PRTG: variants seen among roughly 807,000 people sequenced by gnomAD.
The protein encoded by PRTG is immunoglobulin superfamily, DCC subclass, member 5.
PRTG carries 67 observed loss-of-function variants against 122.5 expected under a neutral mutation model. That is an observed-to-expected ratio of 0.55 (90% confidence interval 0.45 to 0.67). The LOEUF is 0.67. Ranked by LOEUF, PRTG falls within the 30% of genes least tolerant of loss-of-function variation. The pLI, the probability that PRTG is intolerant of heterozygous loss-of-function variation, is 0.00. For missense variants in PRTG, 1,435 were observed against 1,415.4 expected, an observed-to-expected ratio of 1.01 and a Z score of -0.22; for synonymous variants, 554 against 501.1, an observed-to-expected ratio of 1.11 and a Z score of -1.41.
intron 18 of PRTG, among the ~76,000 whole-genome samples, chr15:55,620,981 A>G (rs1018088568): frequency 6.6e-6 from 1 of 152,192 alleles, no homozygotes; most frequent in Non-Finnish European, 1.5e-5. Context: ...TGTACTCATT[A>G]CCCAAATAGT....
At chr15:55,628,367 T>A (rs903775645) in intron 16 of PRTG, among the ~76,000 whole-genome samples, 2 of 138,384 alleles carry the variant, frequency 1.4e-5, no homozygotes, top group Non-Finnish European at 3.1e-5. Flanking sequence ...TTCCAATTGC[T>A]TTTCTGGAGA....
At chr15:55,632,295 A>C (rs187830943) in intron 15 of PRTG, among the ~76,000 whole-genome samples, 275 of 151,572 alleles carry the variant, frequency 1.8e-3, no homozygotes, top group African/African-American at 6.3e-3. Flanking sequence ...TTTTTTTTCT[A>C]CTTATGTTCC....
Position 55,672,447 on chromosome 15 carries a change from A to C in PRTG, c.2039T>G (p.Leu680Ter). Residue 680 changes from leucine to a stop codon, truncating the protein, a stop_gained and splice_region_variant, in exon 11 of 20, where the codon TTA (leucine) becomes TGA (stop). Transcript: ENST00000389286. LOFTEE classifies it high-confidence loss of function. ...TKDLLYTLSGLDPRRKYHVRL... is the reference protein window; with the variant it reads ...TKDLLYTLSG ...AAATACAGTACAAACTCACTCACCT[A>C]AGCCACTGAGAGTATAGAGTAGGTC... 1.2e-6 allele frequency: 2 copies of C among 1,611,764 alleles called. No individual in the cohort carries two copies. Among genetic ancestry groups the C allele is most frequent in the Middle Eastern group, 3.3e-4 (2 of 6,038 alleles).
chr15:55,690,941 A>G (rs2059597072), intron 2 of PRTG, among the ~76,000 whole-genome samples: 1 of 152,194 alleles, frequency 6.6e-6, no homozygotes. Flanking sequence ...TGGGATCTGA[A>G]TCCAGGTAGT....
chr15:55,638,339 G>A (rs1451276835), intron 14 of PRTG, among the ~76,000 whole-genome samples: 2 of 151,964 alleles, frequency 1.3e-5, no homozygotes, highest in Admixed American at 6.6e-5. Context: ...AAGCCTACGT[G>A]CTTGCACAAT....
At chr15:55,709,145 C>CAAAAAAAA (rs3985769) in intron 2 of PRTG, among the ~76,000 whole-genome samples, 7 of 51,842 alleles carry the variant, frequency 1.4e-4, no homozygotes, top group African/African-American at 5.6e-4. Context: ...GACTCTGTCT[C>CAAAAAAAA]AAAAAAAAAA....
intron 2 of PRTG, among the ~76,000 whole-genome samples, chr15:55,710,379 A>T (rs1017235796): frequency 6.6e-6 from 1 of 152,226 alleles, no homozygotes; most frequent in Non-Finnish European, 1.5e-5. Context: ...TTTATTGGCT[A>T]CTATGTGAAT....
At chr15:55,669,772 T>C (rs893438495) in intron 11 of PRTG, among the ~76,000 whole-genome samples, 1 of 152,248 alleles carries the variant, frequency 6.6e-6, no homozygotes, top group African/African-American at 2.4e-5. Flanking sequence ...GTGCGGAACC[T>C]GCTGTCTAAC....
At chr15:55,701,075 A>C (rs1242705503) in intron 2 of PRTG, among the ~76,000 whole-genome samples, 1 of 152,228 alleles carries the variant, frequency 6.6e-6, no homozygotes, top group African/African-American at 2.4e-5. Context: ...ATGAGATGTC[A>C]CTACACACCT....
In PRTG at chr15:55,620,045, G is replaced by C; in HGVS notation, c.3420C>G (p.Ser1140=). The stretch of plus-strand genomic sequence containing the variant: ...TGGGGGGTGTGGTACTTATAACTGA[G>C]GACAGATGTATCTCATCGTTGGACT... The part of the protein sequence containing the change: ...SHESNDEIHL[S]SVISTTPPNL The change falls in exon 20 of 20, where the codon TCC becomes TCG. Residue 1140 remains serine (S), a synonymous_variant. Coordinates refer to ENST00000389286, the MANE Select transcript of PRTG (RefSeq NM_173814.6). The C allele has an allele frequency of 1.9e-6, 3 of 1,614,124 alleles. No individual in the cohort carries two copies. In the South Asian group the frequency reaches 3.3e-5, roughly 18 times the overall value.
intron 2 of PRTG, among the ~76,000 whole-genome samples, chr15:55,722,756 A>T (rs748379905): frequency 3.1e-5 from 4 of 128,848 alleles, no homozygotes; most frequent in Non-Finnish European, 6.5e-5. Flanking sequence ...CACACAGAAC[A>T]TACTTAAAAC....
At chr15:55,703,413 C>T (rs746454776) in intron 2 of PRTG, among the ~76,000 whole-genome samples, 8 of 152,234 alleles carry the variant, frequency 5.3e-5, no homozygotes, top group South Asian at 4.1e-4. Context: ...CCCACCCTAA[C>T]GAGATCAGAA....
intron 4 of PRTG, among the ~76,000 whole-genome samples, chr15:55,681,734 A>C (rs928608302): frequency 9.2e-5 from 14 of 152,204 alleles, no homozygotes; most frequent in Non-Finnish European, 1.3e-4. Context: ...AACGACAAGC[A>C]AAAGAATACG....
chr15:55,614,258 C>T lies in PRTG; in HGVS notation c.*5754G>A, dbSNP rs2059132812. On this transcript the variant is annotated 3_prime_UTR_variant, in exon 20 of 20. Coordinates refer to ENST00000389286, the MANE Select transcript of PRTG (RefSeq NM_173814.6). ...GCCGATTGGAACCAAAAAAGAATGA[C>T]AAGAAAGATCAAATTTCCTAGGAAA... 1 of 151,902 alleles carries T rather than the reference C, an allele frequency of 6.6e-6. No individual in the cohort carries two copies. The highest frequency in any genetic ancestry group is 2.4e-5 in the African/African-American group (1 of 41,370). The allele number at this position is 151,902 out of a possible 1,614,324, so 9.4% of individuals were successfully genotyped here.
intron 2 of PRTG, among the ~76,000 whole-genome samples, chr15:55,737,112 G>A (rs1567121167): frequency 2.0e-5 from 3 of 152,102 alleles, no homozygotes; most frequent in African/African-American, 7.2e-5. Flanking sequence ...CAAAGACTTA[G>A]TACCCATGAA....
At chr15:55,634,911 AC>A (rs2059248205) in intron 15 of PRTG, among the ~76,000 whole-genome samples, 1 of 152,020 alleles carries the variant, frequency 6.6e-6, no homozygotes, top group Admixed American at 6.6e-5. Flanking sequence ...ATCGATTCAC[AC>A]CCCTGTAGCC....
intron 2 of PRTG, among the ~76,000 whole-genome samples, chr15:55,709,457 T>G (rs185734173): frequency 1.3e-4 from 20 of 150,916 alleles, no homozygotes; most frequent in African/African-American, 4.8e-4. Flanking sequence ...TTGGAAACAG[T>G]TTGGCAGTTT....
rs535509705 is a variant in PRTG at position 55,616,721 on chromosome 15, C to T, written c.*3291G>A. On this transcript the variant is annotated 3_prime_UTR_variant, in exon 20 of 20. Coordinates refer to ENST00000389286, the MANE Select transcript of PRTG (RefSeq NM_173814.6). ...AACCTTAAATATCTTTGGTTTTTTT[C>T]TTTTTAATTTGCTGATAAAAAGTAC... 1 of 152,080 alleles carries T rather than the reference C, an allele frequency of 6.6e-6. No individual in the cohort carries two copies. The highest frequency in any genetic ancestry group is 2.4e-5 in the African/African-American group (1 of 41,526). The allele number at this position is 152,080 out of a possible 1,614,324, so 9.4% of individuals were successfully genotyped here. A position where few individuals can be genotyped will look rare whatever the true frequency, so the allele number is the denominator to read the frequency against.
Position 55,740,508 on chromosome 15 carries a change from C to G in PRTG, c.271G>C (p.Gly91Arg). Residue 91 changes from glycine (G) to arginine (R), a missense_variant, in exon 2 of 20, where the codon GGC becomes CGC. Coordinates refer to ENST00000389286, the MANE Select transcript of PRTG (RefSeq NM_173814.6). ...ENKRIEVLSN[G>R]SLYISEVEGR... ...TCCACCTCACTGATGTATAAAGAGC[C>G]GTTAGAAAGAACCTCGATCCGTTTA... 5 of 1,614,134 alleles carry G rather than the reference C, an allele frequency of 3.1e-6. No homozygotes were observed. Among genetic ancestry groups the G allele is most frequent in the Non-Finnish European group, 4.2e-6 (5 of 1,180,016 alleles).
Sources: gnomAD v4.1 joint callset for allele counts (sites outside exome capture counted in the v4.1 genomes callset) on GRCh38, gnomAD v4.1.1 for gene constraint, MANE v1.5 for transcripts, NCBI Gene and HGNC (gene_info 2026-07-23, HGNC 2026-07-21) for gene names.